Variants in FAAH2 observed in about 807,000 individuals in gnomAD.
The protein encoded by FAAH2 is fatty-acid amide hydrolase 2.
A neutral mutation model predicts 36.9 loss-of-function variants in FAAH2; 60 were observed. That is an observed-to-expected ratio of 1.63 (90% CI 1.32 to 2.02). FAAH2 has a LOEUF of 2.02. FAAH2 is among the 30% of genes most tolerant of loss of function. The pLI, the probability that FAAH2 is intolerant of heterozygous loss-of-function variation, is 0.00. For synonymous variants in FAAH2, 214 were observed against 143.8 expected (o/e 1.49, Z -3.49); for missense variants, 689 against 397.5 (o/e 1.73, Z -6.23).
intron 7 of FAAH2, chrX:57,392,668 G>C: frequency 3.0e-6 from 2 of 656,681 alleles, no homozygotes; most frequent in South Asian, 2.2e-5. Context: ...CACCTGTTCT[G>C]TTTCAGGGTC....
chrX:57,343,376 G>A (rs777421485), intron 5 of FAAH2, among the ~76,000 whole-genome samples: 1 of 111,816 alleles, frequency 8.9e-6, no homozygotes, highest in South Asian at 3.7e-4. Context: ...GATTAGTGAT[G>A]TTGATCATTT....
chrX:57,276,753 A>G, the FAAH2 span, among the ~76,000 whole-genome samples: 1 of 111,931 alleles, frequency 8.9e-6, no homozygotes, highest in Non-Finnish European at 1.9e-5. Flanking sequence ...ATCACCACCA[A>G]TCCCACAGAA....
chrX:57,486,780 A>C (rs1223641791), intron 10 of FAAH2, among the ~76,000 whole-genome samples: 1 of 111,781 alleles, frequency 8.9e-6, no homozygotes, highest in Non-Finnish European at 1.9e-5. Flanking sequence ...AGAGAGGGTG[A>C]TGCGAAATGA....
Position 57,488,823 on chromosome X carries a change from C to T in FAAH2, c.1490C>T (p.Pro497Leu), listed in dbSNP as rs898403004. 2 of 1,211,467 alleles carry T rather than the reference C, an allele frequency of 1.7e-6. No homozygotes were observed. The highest frequency in any genetic ancestry group is 2.2e-6 in the Non-Finnish European group (2 of 895,410). The change falls in exon 11 of 11, where the codon CCT becomes CTT. Residue 497 changes from proline (P) to leucine (L), a missense_variant. Coordinates refer to ENST00000374900, the MANE Select transcript of FAAH2 (RefSeq NM_174912.4). ...CPLGLNAKGL[P>L]LGIQVVAGPF... ...CTGGGACTGAATGCCAAAGGACTCC[C>T]TTTAGGCATCCAGGTTGTGGCTGGA...
At chrX:57,464,508 A>G (rs1359198349) in intron 10 of FAAH2, among the ~76,000 whole-genome samples, 2 of 86,035 alleles carry the variant, frequency 2.3e-5, no homozygotes, top group Non-Finnish European at 4.6e-5. Context: ...CAAGTTCCTA[A>G]TAGCAATTGC....
chrX:57,191,012 A>T, the FAAH2 span, among the ~76,000 whole-genome samples: 2 of 111,596 alleles, frequency 1.8e-5, no homozygotes, highest in African/African-American at 6.5e-5. Flanking sequence ...CCCAGCCATG[A>T]GATTACTGGT....
chrX:57,486,963 A>G (rs933467171), intron 10 of FAAH2, among the ~76,000 whole-genome samples: 47 of 111,657 alleles, frequency 4.2e-4, no homozygotes, highest in Non-Finnish European at 7.5e-5. Flanking sequence ...TATCTTGCTG[A>G]CATCACTCTC....
At chrX:57,192,535 A>G in the FAAH2 span, among the ~76,000 whole-genome samples, 1 of 111,699 alleles carries the variant, frequency 9.0e-6, no homozygotes, top group African/African-American at 3.3e-5. Context: ...TTCTGATATT[A>G]AAGGAAATGC....
intron 3 of FAAH2, among the ~76,000 whole-genome samples, chrX:57,313,349 G>A (rs184866058): frequency 5.5e-5 from 6 of 109,426 alleles, no homozygotes; most frequent in Admixed American, 2.9e-4. Flanking sequence ...CACCAGTCTC[G>A]GTGAAGAGGT....
intron 7 of FAAH2, among the ~76,000 whole-genome samples, chrX:57,423,916 C>G (rs2056096836): frequency 9.0e-6 from 1 of 111,503 alleles, no homozygotes; most frequent in African/African-American, 3.3e-5. Context: ...ACAGCTGGCT[C>G]TCACCTGAAA....
chrX:57,295,564 C>A (rs142353612), intron 2 of FAAH2, among the ~76,000 whole-genome samples: 33 of 111,895 alleles, frequency 2.9e-4, no homozygotes, highest in Non-Finnish European at 5.8e-4. Flanking sequence ...GCATTTCCAA[C>A]GGAGGTACTG....
chrX:57,442,147 C>G (rs1036440171), intron 8 of FAAH2, among the ~76,000 whole-genome samples: 1 of 110,638 alleles, frequency 9.0e-6, no homozygotes, highest in Non-Finnish European at 1.9e-5. Context: ...GAGCTGAGTT[C>G]AATTCCTGGA....
chrX:57,212,689 G>T, the FAAH2 span, among the ~76,000 whole-genome samples: 11 of 112,188 alleles, frequency 9.8e-5, no homozygotes, highest in East Asian at 2.8e-3. Context: ...AGTATAAAAA[G>T]AATTCAAAAG....
At chrX:57,263,688 C>T in the FAAH2 span, among the ~76,000 whole-genome samples, 1 of 111,705 alleles carries the variant, frequency 9.0e-6, no homozygotes, top group Non-Finnish European at 1.9e-5. Context: ...TCTATCATCA[C>T]ATTATACAAT....
chrX:57,484,573 T>C (rs1864695), intron 10 of FAAH2, among the ~76,000 whole-genome samples: 40,409 of 110,694 alleles, frequency 0.37, 6,287 homozygotes, highest in Middle Eastern at 0.61. Context: ...CTTGCAACTC[T>C]CCATGGAGGT....
At chrX:57,274,331 C>G in the FAAH2 span, among the ~76,000 whole-genome samples, 2 of 111,916 alleles carry the variant, frequency 1.8e-5, no homozygotes, top group African/African-American at 6.5e-5. Context: ...ACCAGAGGAA[C>G]AAAGAGGAGC....
At chrX:57,177,613 T>C in the FAAH2 span, among the ~76,000 whole-genome samples, 1 of 57,997 alleles carries the variant, frequency 1.7e-5, no homozygotes, top group Non-Finnish European at 3.2e-5. Context: ...TATATATATA[T>C]ACCTCCAATA....
At chrX:57,407,309 G>A (rs775967843) in intron 7 of FAAH2, among the ~76,000 whole-genome samples, 1 of 111,917 alleles carries the variant, frequency 8.9e-6, no homozygotes. Context: ...CTGAATTTGG[G>A]TTGAGGAATC....
At chrX:57,454,319 C>T (rs1293682619) in intron 10 of FAAH2, among the ~76,000 whole-genome samples, 1 of 112,454 alleles carries the variant, frequency 8.9e-6, no homozygotes, top group Non-Finnish European at 1.9e-5. Flanking sequence ...AGCCAGCTGA[C>T]TATCCTCAAC....
Sources: allele counts gnomAD v4.1 joint callset (sites outside exome capture counted in the v4.1 genomes callset), GRCh38; gene constraint gnomAD v4.1.1; transcripts MANE v1.5; gene names NCBI Gene and HGNC (gene_info 2026-07-23, HGNC 2026-07-21).